The following ZNF761 variants were observed in gnomAD, a reference collection of about 807,000 sequenced individuals.
The protein encoded by ZNF761 is zinc finger protein 761.
A neutral mutation model predicts 59.9 loss-of-function variants in ZNF761; 43 were observed. The observed-to-expected ratio is 0.72, with a 90% confidence interval of 0.56 to 0.92. The LOEUF is 0.92. ZNF761 is among the 40% of genes least tolerant of loss of function. ZNF761 has a pLI of 0.00. For missense variants in ZNF761, 850 were observed against 906.1 expected (o/e 0.94, Z 0.79); for synonymous variants, 294 against 304.8 (o/e 0.96, Z 0.37).
At chr19:53,443,065 C>G (rs1328028940) in intron 1 of ZNF761, 2 of 232,198 alleles carry the variant, frequency 8.6e-6, no homozygotes, top group Non-Finnish European at 1.7e-5. Flanking sequence ...CAGTTCAGAT[C>G]AAGGTCTGCA....
Position 53,456,361 on chromosome 19 carries a change from G to A in ZNF761, c.1854G>A (p.Thr618=), listed in dbSNP as rs57586977. 3.9e-3 allele frequency: 6,295 copies of A among 1,613,452 alleles called. 74 individuals carry two copies. In the East Asian group the frequency reaches 0.05, roughly 13 times the overall value. Residue 618 remains threonine (T), a synonymous_variant, in exon 5 of 5, where the codon ACG becomes ACA. Transcript: ENST00000684525. The stretch of plus-strand genomic sequence containing the variant: ...AGTGTGGCAAGACCTTCAGTCGGAC[G>A]TCATCCCTTACATGCCATCGTAGAC... ...CNECGKTFSR[T]SSLTCHRRLH... is the part of the protein sequence containing the mutation.
chr19:53,435,945 A>G (rs2086037654), intron 1 of ZNF761, among the ~76,000 whole-genome samples: 1 of 152,196 alleles, frequency 6.6e-6, no homozygotes, highest in African/African-American at 2.4e-5. Context: ...CCGTGCGTAG[A>G]CTAGTCAGCT....
In ZNF761 at chr19:53,457,108, A is replaced by G; in HGVS notation, c.*360A>G. 1 of 573,562 alleles carries G rather than the reference A, an allele frequency of 1.7e-6. No individual in the cohort carries two copies. The highest frequency in any genetic ancestry group is 3.2e-6 in the Non-Finnish European group (1 of 314,908). The allele number at this position is 573,562 out of a possible 1,614,324, so 35.5% of individuals were successfully genotyped here. ...GAGTGTGGCAAAGCCTTTAGTAGGC[A>G]GTCAACACTTGTTTACCGTCAGGCA... is the stretch of plus-strand genomic sequence containing the variant. On this transcript the variant is annotated 3_prime_UTR_variant, in exon 5 of 5. Coordinates refer to ENST00000684525, the MANE Select transcript of ZNF761 (RefSeq NM_001289951.2).
chr19:53,436,690 C>G (rs556219839), intron 1 of ZNF761, among the ~76,000 whole-genome samples: 1 of 152,274 alleles, frequency 6.6e-6, no homozygotes, highest in South Asian at 2.1e-4. Flanking sequence ...ATTTCAGCTA[C>G]GAATGCTGGC....
intron 1 of ZNF761, among the ~76,000 whole-genome samples, chr19:53,445,611 G>A: frequency 6.6e-6 from 1 of 152,046 alleles, no homozygotes; most frequent in East Asian, 1.9e-4. Flanking sequence ...GTCTTGGCGT[G>A]GCCTTTCTTC....
chr19:53,450,475 C>T (rs935996879), intron 4 of ZNF761: 1 of 151,820 alleles, frequency 6.6e-6, no homozygotes, highest in Non-Finnish European at 1.5e-5. Flanking sequence ...AAGACCTTAC[C>T]CTTGTGATTT....
intron 1 of ZNF761, among the ~76,000 whole-genome samples, chr19:53,445,710 C>T (rs529076665): frequency 3.9e-5 from 6 of 152,184 alleles, no homozygotes; most frequent in African/African-American, 9.6e-5. Context: ...TTTAAAAAAA[C>T]GTGAAAGAAT....
intron 1 of ZNF761, among the ~76,000 whole-genome samples, chr19:53,441,093 C>A (rs2086094745): frequency 6.6e-6 from 1 of 152,144 alleles, no homozygotes; most frequent in Non-Finnish European, 1.5e-5. Flanking sequence ...AGCAGCCTGG[C>A]CAACATGGTG....
chr19:53,443,209 AT>A (rs2086118679), intron 1 of ZNF761: 1 of 160,082 alleles, frequency 6.2e-6, no homozygotes, highest in Non-Finnish European at 1.4e-5. Flanking sequence ...CAGTTAATGT[AT>A]TTTTCAGTTT....
In ZNF761 at chr19:53,455,209, G is replaced by A. The variant is rs200154624; in HGVS notation, c.702G>A (p.Gln234=). The A allele has an allele frequency of 3.1e-6, 5 of 1,614,078 alleles. No homozygotes were observed. In the South Asian group the frequency reaches 5.5e-5, roughly 18 times the overall value. ...FNYSSLLRKH[Q]IIHLADKYKC... The stretch of plus-strand genomic sequence containing the variant: ...ACAGCTCACTCTTAAGGAAACATCA[G>A]ATAATCCATTTAGCAGACAAATATA... The change falls in exon 5 of 5, where the codon CAG becomes CAA. Residue 234 remains glutamine, a synonymous_variant. Coordinates refer to ENST00000684525, the MANE Select transcript of ZNF761 (RefSeq NM_001289951.2).
In ZNF761 at chr19:53,456,038, T is replaced by C. The variant is rs1484149164; in HGVS notation, c.1531T>C (p.Cys511Arg). The stretch of plus-strand genomic sequence containing the variant: ...CTTTAGTCGGAAGTCATACCTCACA[T>C]GCCATCATAGACTTCATACTGGAGA... ...KTFSRKSYLT[C>R]HHRLHTGEKA... is the part of the protein sequence containing the mutation. The change falls in exon 5 of 5, where the codon TGC (cysteine) becomes CGC (arginine). Residue 511 changes from cysteine (C) to arginine (R), a missense_variant. Transcript: ENST00000684525. 3 of 1,613,106 alleles carry C rather than the reference T, an allele frequency of 1.9e-6. No individual in the cohort carries two copies. The highest frequency in any genetic ancestry group is 2.5e-6 in the Non-Finnish European group (3 of 1,179,784).
chr19:53,438,878 G>A (rs1282014496), intron 1 of ZNF761, among the ~76,000 whole-genome samples: 1 of 152,166 alleles, frequency 6.6e-6, no homozygotes, highest in South Asian at 2.1e-4. Flanking sequence ...CTCCTCTCAG[G>A]TTGGGGCAGG....
intron 4 of ZNF761, among the ~76,000 whole-genome samples, chr19:53,450,778 C>A (rs760396684): frequency 6.6e-6 from 1 of 152,088 alleles, no homozygotes; most frequent in African/African-American, 2.4e-5. Context: ...AGGCAAATCA[C>A]CTGAGGTCAG....
At chr19:53,448,616 A>G (rs2617735) in intron 3 of ZNF761, among the ~76,000 whole-genome samples, 8,821 of 151,984 alleles carry the variant, frequency 0.058, 369 homozygotes, top group African/African-American at 0.11. Flanking sequence ...TAGTTTTCAT[A>G]TATTTTCTTT....
rs749397502 is a variant in ZNF761 at position 53,454,842 on chromosome 19, C to T, written c.335C>T (p.Pro112Leu). Residue 112 changes from proline (P) to leucine (L), a missense_variant, in exon 5 of 5, where the codon CCC (proline) becomes CTC (leucine). Physicochemically the swap from Pro to Leu is moderately conservative, Grantham distance 98. Coordinates refer to ENST00000684525, the MANE Select transcript of ZNF761 (RefSeq NM_001289951.2). ...GATGAAAGAAATGGCCATGAAGCAC[C>T]CATGACAAAAATCAAAAAGTTGACA... ...QEDERNGHEA[P>L]MTKIKKLTGI... is the part of the protein sequence containing the mutation. 5 of 1,613,942 alleles carry T rather than the reference C, an allele frequency of 3.1e-6. No homozygotes were observed. In the Admixed American group the frequency reaches 6.7e-5, roughly 22 times the overall value.
rs758917403 is a variant in ZNF761 at position 53,456,790 on chromosome 19, G to A, written c.*42G>A. The A allele has an allele frequency of 1.3e-6, 2 of 1,595,536 alleles. No individual in the cohort carries two copies. The highest frequency in any genetic ancestry group is 3.3e-4 in the Middle Eastern group (2 of 5,994). ...TTTAATCAACAAGCACACCTTGCAG[G>A]TCATCATAGAATTCATACTGGGGAG... On this transcript the variant is annotated 3_prime_UTR_variant, in exon 5 of 5. Transcript: ENST00000684525.
At position 53,456,491 on chromosome 19, in the gene ZNF761, T is replaced by C. The variant is rs146356671; in HGVS notation, c.1984T>C (p.Tyr662His). The C allele has an allele frequency of 2.3e-4, 374 of 1,614,024 alleles. 1 individual carries two copies. The African/African-American group carries it at 4.4e-3, about 19-fold the overall frequency. The change falls in exon 5 of 5, where the codon TAC becomes CAC. Residue 662 changes from tyrosine (Y) to histidine (H), a missense_variant. Transcript: ENST00000684525. The part of the protein sequence containing the change: ...HRRIHTGEKP[Y>H]KCNECGKTFS... ...GAGAATTCATACTGGAGAGAAACCT[T>C]ACAAGTGTAATGAGTGTGGCAAGAC...
Position 53,452,769 on chromosome 19 carries a change from CTT to C in ZNF761, c.143-1877_143-1876del, listed in dbSNP as rs1171134658. 1.3e-5 allele frequency among the ~76,000 whole-genome samples: 2 copies of C among 152,198 alleles called. 1 individual carries two copies. The highest frequency in any genetic ancestry group is 3.9e-4 in the East Asian group (2 of 5,194). Reference sequence around the variant, plus strand: ...ACAGGCAACGAGCTCTTTAATATCTCTTTTTATGAAAGCACAAGTCCTATTCA... The same window carrying C: ...ACAGGCAACGAGCTCTTTAATATCTCTTTATGAAAGCACAAGTCCTATTCA... On this transcript the variant is annotated intron_variant, in intron 4 of 4. Transcript: ENST00000684525.
Position 53,455,261 on chromosome 19 carries a change from A to T in ZNF761, c.754A>T (p.Asn252Tyr), listed in dbSNP as rs1166799545. ...ATGTGATGTATGTGGCAAGCTCTTT[A>T]ATCAGAAGCGAAACCTAGCATGCCA... is the stretch of plus-strand genomic sequence containing the variant. ...YKCDVCGKLF[N>Y]QKRNLACHRR... The change falls in exon 5 of 5, where the codon AAT becomes TAT. Residue 252 changes from asparagine (N) to tyrosine (Y), a missense_variant. By Grantham distance (143) the Asn-to-Tyr change is moderately radical (BLOSUM62 -2). Coordinates refer to ENST00000684525, the MANE Select transcript of ZNF761 (RefSeq NM_001289951.2). The T allele has an allele frequency of 6.2e-7, 1 of 1,614,106 alleles. No individual in the cohort carries two copies. The highest frequency in any genetic ancestry group is 8.5e-7 in the Non-Finnish European group (1 of 1,180,046).
Sources: allele counts gnomAD v4.1 joint callset (sites outside exome capture counted in the v4.1 genomes callset), GRCh38; gene constraint gnomAD v4.1.1; transcripts MANE v1.5; gene names NCBI Gene and HGNC (gene_info 2026-07-23, HGNC 2026-07-21).